Variants in TBC1D9 observed in about 807,000 individuals in gnomAD.
TBC1D9 encodes TBC1 domain family member 9A.
A neutral mutation model predicts 132.0 loss-of-function variants in TBC1D9; 63 were observed. That is an observed-to-expected ratio of 0.48 (90% CI 0.39 to 0.59). The LOEUF (loss-of-function observed/expected upper bound fraction) is 0.59. Among genes scored for constraint, TBC1D9 ranks in the 20% least tolerant of loss-of-function variants. The pLI is 0.00. For synonymous variants in TBC1D9, 610 were observed against 609.9 expected (o/e 1.00, Z 0.00); for missense variants, 1,261 against 1,592.7 (o/e 0.79, Z 3.54).
intron 1 of TBC1D9, among the ~76,000 whole-genome samples, chr4:140,743,761 T>C (rs1738795816): frequency 6.6e-6 from 1 of 152,206 alleles, no homozygotes; most frequent in Non-Finnish European, 1.5e-5. Flanking sequence ...CAGGCTTTTG[T>C]GGTCAGGCCT....
chr4:140,735,411 T>A (rs948679611), intron 1 of TBC1D9, among the ~76,000 whole-genome samples: 1 of 152,210 alleles, frequency 6.6e-6, no homozygotes, highest in Non-Finnish European at 1.5e-5. Flanking sequence ...TGCAAGTGAC[T>A]TTTATAAGCA....
chr4:140,644,742 G>C (rs1413340912), intron 13 of TBC1D9: 2 of 406,492 alleles, frequency 4.9e-6, no homozygotes, highest in Non-Finnish European at 9.6e-6. Flanking sequence ...GCTGGGCCTG[G>C]TGCAGGGGGC....
At chr4:140,671,019 AT>A in intron 6 of TBC1D9, 93 bp from the exon 7 acceptor site, 1 of 1,050,138 alleles carries the variant, frequency 9.5e-7, no homozygotes, top group Non-Finnish European at 1.4e-6. Context: ...CGGCACTTTC[AT>A]TATTCTATAG....
intron 13 of TBC1D9, among the ~76,000 whole-genome samples, chr4:140,650,103 A>C (rs1344707340): frequency 6.6e-6 from 1 of 152,236 alleles, no homozygotes; most frequent in Non-Finnish European, 1.5e-5. Flanking sequence ...CTCCATGTAA[A>C]CTATTAGCTG....
chr4:140,661,240 G>A (rs1007764407), intron 10 of TBC1D9, among the ~76,000 whole-genome samples: 1 of 152,180 alleles, frequency 6.6e-6, no homozygotes, highest in Non-Finnish European at 1.5e-5. Context: ...CTAAGGTCAC[G>A]TTATTTTGGA....
chr4:140,630,758 C>T (rs1173059421), intron 16 of TBC1D9, among the ~76,000 whole-genome samples: 1 of 152,160 alleles, frequency 6.6e-6, no homozygotes, highest in Non-Finnish European at 1.5e-5. Flanking sequence ...CTTCATGTGG[C>T]CCCACCCATT....
intron 1 of TBC1D9, among the ~76,000 whole-genome samples, chr4:140,740,834 T>A (rs1256360931): frequency 6.6e-6 from 1 of 152,206 alleles, no homozygotes; most frequent in African/African-American, 2.4e-5. Flanking sequence ...AGATCTCCAG[T>A]GGAGAGTTAG....
At chr4:140,637,643 C>T (rs1289515122) in intron 15 of TBC1D9, among the ~76,000 whole-genome samples, 2 of 152,212 alleles carry the variant, frequency 1.3e-5, no homozygotes, top group South Asian at 2.1e-4. Flanking sequence ...TCCTGCCTTA[C>T]GGATCTCCAA....
intron 3 of TBC1D9, among the ~76,000 whole-genome samples, chr4:140,683,553 C>T (rs577952211): frequency 6.6e-6 from 1 of 152,180 alleles, no homozygotes; most frequent in Admixed American, 6.5e-5. Flanking sequence ...TTGGAAAATC[C>T]TATTATATCA....
At chr4:140,643,240 T>G in intron 13 of TBC1D9, 1 of 1,324,496 alleles carries the variant, frequency 7.6e-7, no homozygotes, top group Non-Finnish European at 1.1e-6. Flanking sequence ...TTGCTCCTCC[T>G]CTCCAGCTCC....
chr4:140,631,959 A>G (rs1163091009), intron 16 of TBC1D9, among the ~76,000 whole-genome samples: 1 of 152,142 alleles, frequency 6.6e-6, no homozygotes, highest in Non-Finnish European at 1.5e-5. Context: ...TCCCATCTCC[A>G]TAACTATAAC....
rs2110982296 is a variant in TBC1D9 at position 140,643,642 on chromosome 4, C to G, written c.2338-4214G>C. 2.8e-6 allele frequency: 3 copies of G among 1,053,244 alleles called. No individual in the cohort carries two copies. The East Asian group carries it at 7.9e-5, about 28-fold the overall frequency. 65.2% of individuals were successfully genotyped at this position (1,053,244 alleles called of 1,614,324 possible). A position where few individuals can be genotyped will look rare whatever the true frequency, so the allele number is the denominator to read the frequency against. ...GCCGCAGGAACCGCCACAGGCACCT[C>G]CACTGGCTCCTCCTTGGCCTCCACT... is the stretch of plus-strand genomic sequence containing the variant. On this transcript the variant is annotated intron_variant, in intron 13 of 20. Transcript: ENST00000442267.
At chr4:140,741,493 G>C (rs951620539) in intron 1 of TBC1D9, among the ~76,000 whole-genome samples, 4 of 152,180 alleles carry the variant, frequency 2.6e-5, no homozygotes, top group African/African-American at 9.7e-5. Context: ...GAGACAGGCG[G>C]ATTGCTTGAG....
At chr4:140,680,804 C>T (rs991399303) in intron 3 of TBC1D9, among the ~76,000 whole-genome samples, 2 of 152,094 alleles carry the variant, frequency 1.3e-5, no homozygotes, top group African/African-American at 4.8e-5. Flanking sequence ...CCTAGAATTC[C>T]TGCTTTTTGG....
At chr4:140,686,039 A>C (rs972544188) in intron 3 of TBC1D9, among the ~76,000 whole-genome samples, 3 of 152,192 alleles carry the variant, frequency 2.0e-5, no homozygotes, top group African/African-American at 7.2e-5. Context: ...ACTACCCCAC[A>C]TACCTTGACT....
intron 1 of TBC1D9, among the ~76,000 whole-genome samples, chr4:140,751,706 C>T (rs145747730): frequency 3.3e-5 from 5 of 152,132 alleles, no homozygotes; most frequent in African/African-American, 1.2e-4. Flanking sequence ...TAGGCTTATA[C>T]CCAGAACATA....
chr4:140,624,619 T>C (rs536547665), intron 18 of TBC1D9, among the ~76,000 whole-genome samples: 1 of 152,318 alleles, frequency 6.6e-6, no homozygotes, highest in Non-Finnish European at 1.5e-5. Context: ...AGAGGGGACA[T>C]ACTTATACTA....
At chr4:140,727,408 G>T (rs1414798665) in intron 1 of TBC1D9, among the ~76,000 whole-genome samples, 1 of 152,158 alleles carries the variant, frequency 6.6e-6, no homozygotes, top group Non-Finnish European at 1.5e-5. Flanking sequence ...GCCCCATTCT[G>T]GTGGCCACGT....
chr4:140,731,532 A>G (rs1738589637), intron 1 of TBC1D9, among the ~76,000 whole-genome samples: 1 of 152,120 alleles, frequency 6.6e-6, no homozygotes, highest in South Asian at 2.1e-4. Flanking sequence ...TCTCTATAAA[A>G]ATAAAATAAA....
Sources: gnomAD v4.1 joint callset for allele counts (sites outside exome capture counted in the v4.1 genomes callset) on GRCh38, gnomAD v4.1.1 for gene constraint, MANE v1.5 for transcripts, NCBI Gene and HGNC (gene_info 2026-07-23, HGNC 2026-07-21) for gene names.